ZCCHC7: variants seen among roughly 807,000 people sequenced by gnomAD.
The protein encoded by ZCCHC7 is zinc finger CCHC-type containing 7.
Under a neutral mutation model 52.0 loss-of-function variants are expected in ZCCHC7, and 35 were observed. The ratio of observed to expected loss-of-function variants is 0.67; its 90% CI spans 0.51 to 0.89. The LOEUF is 0.89. Ranked by LOEUF, ZCCHC7 falls within the 40% of genes least tolerant of loss-of-function variation. The pLI, the probability that ZCCHC7 is intolerant of heterozygous loss-of-function variation, is 0.00. For missense variants in ZCCHC7, 574 were observed against 649.1 expected (o/e 0.88, Z 1.26); for synonymous variants, 217 against 221.5 (o/e 0.98, Z 0.18).
chr9:37,131,994 C>G (rs1181317720), intron 2 of ZCCHC7, among the ~76,000 whole-genome samples: 1 of 152,200 alleles, frequency 6.6e-6, no homozygotes, highest in Non-Finnish European at 1.5e-5. Context: ...GTCTGAGCCT[C>G]TTTTCCTTTA....
intron 5 of ZCCHC7, 85 bp from the exon 6 acceptor site, chr9:37,327,714 G>T (rs557806835): frequency 7.0e-7 from 1 of 1,429,490 alleles, no homozygotes; most frequent in South Asian, 1.2e-5. Flanking sequence ...GACCGACACC[G>T]GTGGATGCTG....
Position 37,120,764 on chromosome 9 carries a change from G to A in ZCCHC7, c.-22+141G>A, listed in dbSNP as rs1481215080. The A allele has an allele frequency of 1.5e-5, 5 of 342,886 alleles. No individual in the cohort carries two copies. In the East Asian group the frequency reaches 2.1e-4, roughly 14 times the overall value. The allele number at this position is 342,886 out of a possible 1,614,324, so 21.2% of individuals were successfully genotyped here. On this transcript the variant is annotated intron_variant, in intron 1 of 8. Coordinates refer to ENST00000336755, the MANE Select transcript of ZCCHC7 (RefSeq NM_032226.3). Reference sequence around the variant, plus strand: ...CCCGTCCGCCCCTCACTCGTGGCAGGGCGCAGCTCCTGGTCCGTCACCTGC... The same window carrying A: ...CCCGTCCGCCCCTCACTCGTGGCAGAGCGCAGCTCCTGGTCCGTCACCTGC...
intron 2 of ZCCHC7, among the ~76,000 whole-genome samples, chr9:37,248,935 G>A (rs1179321781): frequency 6.6e-6 from 1 of 152,148 alleles, no homozygotes; most frequent in Non-Finnish European, 1.5e-5. Context: ...AAAATTCTTA[G>A]AACAATCTGT....
intron 6 of ZCCHC7, among the ~76,000 whole-genome samples, chr9:37,346,069 C>A (rs182265976): frequency 6.6e-6 from 1 of 152,100 alleles, no homozygotes; most frequent in Non-Finnish European, 1.5e-5. Context: ...ATGGCACGAT[C>A]TCTGCTCACT....
intron 6 of ZCCHC7, among the ~76,000 whole-genome samples, chr9:37,330,577 G>A (rs1288547747): frequency 1.3e-5 from 2 of 151,420 alleles, no homozygotes; most frequent in South Asian, 2.1e-4. Flanking sequence ...TACTTAACAA[G>A]TACATAATTT....
intron 5 of ZCCHC7, among the ~76,000 whole-genome samples, chr9:37,318,367 A>G (rs1829913333): frequency 6.6e-6 from 1 of 151,988 alleles, no homozygotes; most frequent in African/African-American, 2.4e-5. Flanking sequence ...AGGCTGAGGC[A>G]GGAGAATCGC....
intron 2 of ZCCHC7, among the ~76,000 whole-genome samples, chr9:37,138,804 G>T (rs1357258413): frequency 6.6e-6 from 1 of 150,630 alleles, no homozygotes; most frequent in African/African-American, 2.4e-5. Context: ...AGTGAAGAGT[G>T]TTTATATATA....
intron 2 of ZCCHC7, among the ~76,000 whole-genome samples, chr9:37,132,768 T>A (rs1284892751): frequency 6.6e-6 from 1 of 152,112 alleles, no homozygotes; most frequent in Non-Finnish European, 1.5e-5. Flanking sequence ...ATCTTTTGGC[T>A]TCCATGGGCC....
chr9:37,157,197 G>GAAA (rs112401588), intron 2 of ZCCHC7, among the ~76,000 whole-genome samples: 1 of 133,840 alleles, frequency 7.5e-6, no homozygotes, highest in Non-Finnish European at 1.6e-5. Context: ...AAACTTAGTT[G>GAAA]AAAAAAAAAA....
chr9:37,280,368 G>A (rs562519936), intron 2 of ZCCHC7, among the ~76,000 whole-genome samples: 1 of 152,236 alleles, frequency 6.6e-6, no homozygotes, highest in South Asian at 2.1e-4. Flanking sequence ...GAGTAATACT[G>A]TATGTAATAC....
intron 7 of ZCCHC7, among the ~76,000 whole-genome samples, chr9:37,353,794 C>T (rs908692791): frequency 6.6e-6 from 1 of 152,092 alleles, no homozygotes; most frequent in Non-Finnish European, 1.5e-5. Context: ...GATTTTTCAC[C>T]TACTCTTTAA....
intron 2 of ZCCHC7, among the ~76,000 whole-genome samples, chr9:37,250,030 T>C (rs1826252517): frequency 1.4e-5 from 2 of 137,994 alleles, no homozygotes. Context: ...CCTGTTCTTC[T>C]AATAGTCCAG....
intron 2 of ZCCHC7, among the ~76,000 whole-genome samples, chr9:37,149,079 C>T (rs1018120918): frequency 6.6e-6 from 1 of 152,084 alleles, no homozygotes; most frequent in Non-Finnish European, 1.5e-5. Flanking sequence ...TCTATAGTGT[C>T]CTATACAGTA....
At chr9:37,221,986 CTT>C (rs1037231057) in intron 2 of ZCCHC7, among the ~76,000 whole-genome samples, 2 of 151,670 alleles carry the variant, frequency 1.3e-5, no homozygotes, top group African/African-American at 2.4e-5. Context: ...TTGGAATAAA[CTT>C]AACAGGAAAT....
At chr9:37,230,671 A>T (rs2133309413) in intron 2 of ZCCHC7, among the ~76,000 whole-genome samples, 1 of 152,258 alleles carries the variant, frequency 6.6e-6, no homozygotes, top group South Asian at 2.1e-4. Flanking sequence ...GAGAATAGGA[A>T]TTTTTGTTTC....
At chr9:37,168,344 T>C (rs1821542115) in intron 2 of ZCCHC7, among the ~76,000 whole-genome samples, 1 of 152,200 alleles carries the variant, frequency 6.6e-6, no homozygotes, top group African/African-American at 2.4e-5. Context: ...GAGTTGGAAG[T>C]GGAAGTCTGC....
At chr9:37,185,256 C>T (rs765969685) in intron 2 of ZCCHC7, among the ~76,000 whole-genome samples, 2 of 152,120 alleles carry the variant, frequency 1.3e-5, no homozygotes, top group African/African-American at 2.4e-5. Flanking sequence ...TAGGTGATCA[C>T]CTCCTATCCC....
At position 37,321,189 on chromosome 9, in the gene ZCCHC7, C is replaced by T. The variant is rs981043554; in HGVS notation, c.952-6610C>T. ...ATTTTTAGTAGATATGGGGTTTCAT[C>T]GTGTTAGCCAGGATGGTCTTGATCT... On this transcript the variant is annotated intron_variant, in intron 5 of 8. Coordinates refer to ENST00000336755, the MANE Select transcript of ZCCHC7 (RefSeq NM_032226.3). Among the ~76,000 whole-genome samples, 15 of 151,936 alleles carry T rather than the reference C, an allele frequency of 9.9e-5. No homozygotes were observed. The East Asian group carries it at 2.1e-3, about 22-fold the overall frequency.
At chr9:37,236,186 C>T (rs901982960) in intron 2 of ZCCHC7, among the ~76,000 whole-genome samples, 1 of 152,124 alleles carries the variant, frequency 6.6e-6, no homozygotes, top group African/African-American at 2.4e-5. Flanking sequence ...TAAGGGTTCC[C>T]ATTTCTCCAC....
Sources: gnomAD v4.1 joint callset for allele counts (sites outside exome capture counted in the v4.1 genomes callset) on GRCh38, gnomAD v4.1.1 for gene constraint, MANE v1.5 for transcripts, NCBI Gene and HGNC (gene_info 2026-07-23, HGNC 2026-07-21) for gene names.